Variants in ABHD12 observed in about 807,000 individuals in gnomAD.
ABHD12 encodes abhydrolase domain containing 12, lysophospholipase, also known as lysophosphatidylserine lipase ABHD12.
Under a neutral mutation model 58.3 loss-of-function variants are expected in ABHD12, and 43 were observed. The ratio of observed to expected loss-of-function variants is 0.74; its 90% CI spans 0.58 to 0.95. The LOEUF is 0.95. Ranked by LOEUF, ABHD12 falls within the 40% of genes least tolerant of loss-of-function variation. The pLI, the probability that ABHD12 is intolerant of heterozygous loss-of-function variation, is 0.00. For synonymous variants in ABHD12, 219 were observed against 211.2 expected (o/e 1.04, Z -0.32); for missense variants, 539 against 537.2 (o/e 1.00, Z -0.03).
chr20:25,355,712 C>T lies in ABHD12; in HGVS notation c.192-16361G>A, dbSNP rs1244475884. 3.3e-5 allele frequency among the ~76,000 whole-genome samples: 5 copies of T among 152,154 alleles called. No individual in the cohort carries two copies. The East Asian group carries it at 7.7e-4, about 23-fold the overall frequency. On this transcript the variant is annotated intron_variant, in intron 1 of 12. Transcript: ENST00000339157. ...TAGCTGGGATTACAGGCACCCACCA[C>T]CATGCCCAGGTAATTTTTGTATTTT...
At position 25,320,188 on chromosome 20, in the gene ABHD12, C is replaced by T. The variant is rs1568725794; in HGVS notation, c.542+11G>A. ...GCTCCACAGCAAAGATGATGGGCTCCTCTCCCTCACCTGGTACCTGCGTTC... is the reference window on the plus strand; with the variant it reads ...GCTCCACAGCAAAGATGATGGGCTCTTCTCCCTCACCTGGTACCTGCGTTC... On this transcript the variant is annotated intron_variant, in intron 4 of 12. Coordinates refer to ENST00000339157, the MANE Select transcript of ABHD12 (RefSeq NM_001042472.3). The T allele has an allele frequency of 1.2e-6, 2 of 1,613,636 alleles. No homozygotes were observed. Among genetic ancestry groups the T allele is most frequent in the Non-Finnish European group, 1.7e-6 (2 of 1,179,996 alleles).
chr20:25,372,334 C>A (rs2089909259), intron 1 of ABHD12, among the ~76,000 whole-genome samples: 1 of 152,080 alleles, frequency 6.6e-6, no homozygotes, highest in African/African-American at 2.4e-5. Context: ...ACCACAGGTG[C>A]ACACCACCAT....
chr20:25,343,542 C>T (rs1195196918), intron 1 of ABHD12, among the ~76,000 whole-genome samples: 1 of 152,122 alleles, frequency 6.6e-6, no homozygotes, highest in African/African-American at 2.4e-5. Context: ...TGGTGGCTCA[C>T]GCCTGTAATT....
At chr20:25,373,590 C>A (rs1192643286) in intron 1 of ABHD12, among the ~76,000 whole-genome samples, 1 of 151,610 alleles carries the variant, frequency 6.6e-6, no homozygotes, top group African/African-American at 2.4e-5. Context: ...TCACTGAATT[C>A]TTACTTACTT....
intron 2 of ABHD12, among the ~76,000 whole-genome samples, chr20:25,330,288 T>C (rs1435968840): frequency 6.6e-6 from 1 of 152,208 alleles, no homozygotes; most frequent in Non-Finnish European, 1.5e-5. Context: ...GGAGATTATA[T>C]CCCGCACATG....
chr20:25,322,381 A>ATATATATATTTTTTTT lies in ABHD12; in HGVS notation c.422+943_422+944insAAAAAAAATATATATA. ...GGAAAAGATATATATATATATATAT[A>ATATATATATTTTTTTT]TTTTTTTTTTTTTTTGAGACAAGAG... On this transcript the variant is annotated intron_variant, in intron 3 of 12. Coordinates refer to ENST00000339157, the MANE Select transcript of ABHD12 (RefSeq NM_001042472.3). Among the ~76,000 whole-genome samples, 6 of 59,268 alleles carry ATATATATATTTTTTTT rather than the reference A, an allele frequency of 1.0e-4. 1 individual carries two copies. The highest frequency in any genetic ancestry group is 1.9e-4 in the Non-Finnish European group (6 of 31,354). The allele number at this position is 59,268 out of a possible 152,430, so 38.9% of individuals were successfully genotyped here. A position where few individuals can be genotyped will look rare whatever the true frequency, so the allele number is the denominator to read the frequency against.
intron 1 of ABHD12, chr20:25,368,724 C>CT: frequency 4.9e-6 from 6 of 1,224,472 alleles, no homozygotes; most frequent in Non-Finnish European, 7.2e-6. Context: ...GGCCCAAGGG[C>CT]TTGCCTTCGT....
At chr20:25,352,060 C>T (rs531119732) in intron 1 of ABHD12, among the ~76,000 whole-genome samples, 3 of 152,182 alleles carry the variant, frequency 2.0e-5, no homozygotes, top group East Asian at 1.9e-4. Flanking sequence ...GGCATGATCT[C>T]GGCTCACCGC....
intron 10 of ABHD12, among the ~76,000 whole-genome samples, chr20:25,305,589 C>T (rs1031031929): frequency 2.6e-5 from 4 of 151,760 alleles, no homozygotes; most frequent in African/African-American, 9.7e-5. Flanking sequence ...TCTCGATCTC[C>T]TGACCATGTG....
intron 3 of ABHD12, among the ~76,000 whole-genome samples, chr20:25,322,362 GAT>G (rs1312326738): frequency 0.034 from 2,222 of 66,128 alleles, 281 homozygotes; most frequent in African/African-American, 0.13. Flanking sequence ...TCTTGGAAAA[GAT>G]ATATATATAT....
At chr20:25,335,006 G>A (rs1199295760) in intron 2 of ABHD12, among the ~76,000 whole-genome samples, 1 of 152,106 alleles carries the variant, frequency 6.6e-6, no homozygotes, top group Non-Finnish European at 1.5e-5. Context: ...ACTACCATCA[G>A]AGTGAATAGG....
Position 25,326,157 on chromosome 20 carries a change from G to A in ABHD12, c.317-2727C>T, listed in dbSNP as rs58593226. Among the ~76,000 whole-genome samples the A allele has an allele frequency of 6.7e-3, 993 of 147,768 alleles. 18 individuals carry two copies. Among genetic ancestry groups the A allele is most frequent in the African/African-American group, 0.024 (951 of 40,134 alleles). On this transcript the variant is annotated intron_variant, in intron 2 of 12. Coordinates refer to ENST00000339157, the MANE Select transcript of ABHD12 (RefSeq NM_001042472.3). The stretch of plus-strand genomic sequence containing the variant: ...GGGAAGGGAAGAAAGAGAAGAGAGA[G>A]GAAGGAAGGAAGGGAGAGAGGTAGG...
intron 1 of ABHD12, among the ~76,000 whole-genome samples, chr20:25,341,734 C>T (rs553761472): frequency 1.0e-3 from 156 of 152,190 alleles, no homozygotes; most frequent in Admixed American, 4.4e-3. Flanking sequence ...ACACAGCTAA[C>T]GGCCCTGGCA....
At chr20:25,303,254 T>C (rs1163489994) in intron 11 of ABHD12, 45 of 1,251,590 alleles carry the variant, frequency 3.6e-5, no homozygotes, top group Non-Finnish European at 4.5e-5. Context: ...GGCAGCCCAC[T>C]CTGATAACCC....
chr20:25,384,978 T>C (rs2146141731), intron 1 of ABHD12, among the ~76,000 whole-genome samples: 1 of 152,278 alleles, frequency 6.6e-6, no homozygotes, highest in Non-Finnish European at 1.5e-5. Flanking sequence ...TGTGTGTGTG[T>C]ATATATATTT....
At chr20:25,326,134 GA>G (rs2089173119) in intron 2 of ABHD12, among the ~76,000 whole-genome samples, 1 of 144,268 alleles carries the variant, frequency 6.9e-6, no homozygotes, top group Non-Finnish European at 1.5e-5. Flanking sequence ...GGAGGGAAGG[GA>G]AGGGAAGAAA....
chr20:25,349,386 G>GAT (rs1302086595), intron 1 of ABHD12, among the ~76,000 whole-genome samples: 1 of 152,060 alleles, frequency 6.6e-6, no homozygotes, highest in African/African-American at 2.4e-5. Flanking sequence ...TCCACTCCTC[G>GAT]ATATATACTC....
chr20:25,373,391 A>G (rs2089922362), intron 1 of ABHD12, among the ~76,000 whole-genome samples: 1 of 152,076 alleles, frequency 6.6e-6, no homozygotes, highest in Admixed American at 6.6e-5. Flanking sequence ...TACTAAAAAT[A>G]CAAAAATCAG....
intron 2 of ABHD12, among the ~76,000 whole-genome samples, chr20:25,328,524 C>T (rs771731822): frequency 2.0e-5 from 3 of 152,214 alleles, no homozygotes; most frequent in Non-Finnish European, 4.4e-5. Flanking sequence ...CCACTGGCTC[C>T]GCTTCAGGCC....
Sources: gnomAD v4.1 joint callset for allele counts (sites outside exome capture counted in the v4.1 genomes callset) on GRCh38, gnomAD v4.1.1 for gene constraint, MANE v1.5 for transcripts, NCBI Gene and HGNC (gene_info 2026-07-23, HGNC 2026-07-21) for gene names.